FBXO28: variants seen among roughly 807,000 people sequenced by gnomAD.
FBXO28 encodes F-box protein 28.
A neutral mutation model predicts 38.1 loss-of-function variants in FBXO28; 8 were observed. The observed-to-expected ratio is 0.21, with a 90% CI of 0.12 to 0.38. The LOEUF (loss-of-function observed/expected upper bound fraction) is 0.38, where lower values mean the gene tolerates loss of function less well. Ranked by LOEUF, FBXO28 falls within the 10% of genes least tolerant of loss-of-function variation. The probability of loss-of-function intolerance (pLI) is 1.00; values close to 1 mark genes in which losing one functional copy is unlikely to be tolerated. For missense variants in FBXO28, 345 were observed against 460.6 expected (o/e 0.75, Z 2.30); for synonymous variants, 168 against 173.8 (o/e 0.97, Z 0.26).
chr1:224,136,185 C>A (rs964872136), intron 3 of FBXO28, among the ~76,000 whole-genome samples: 6 of 121,652 alleles, frequency 4.9e-5, no homozygotes, highest in Non-Finnish European at 8.0e-5. Flanking sequence ...CTAACAGCAA[C>A]CTCTGCCTCC....
intron 1 of FBXO28, among the ~76,000 whole-genome samples, chr1:224,122,090 A>G (rs1421730090): frequency 6.6e-6 from 1 of 152,062 alleles, no homozygotes; most frequent in Non-Finnish European, 1.5e-5. Flanking sequence ...AATTTTTTTT[A>G]AAGATTAAAG....
chr1:224,151,050 A>G (rs545504249), intron 3 of FBXO28, among the ~76,000 whole-genome samples: 6 of 152,344 alleles, frequency 3.9e-5, no homozygotes, highest in South Asian at 4.1e-4. Context: ...TTCTTTGTAT[A>G]TATAGTTCCT....
rs1277317930 is a variant in FBXO28 at position 224,131,834 on chromosome 1, G to C, written c.377+1253G>C. On this transcript the variant is annotated intron_variant, in intron 2 of 4. Transcript: ENST00000366862. ...ATTGGACTTAAAATGTAAAACTTTT[G>C]TGGCTCAAAAGACACCGTTAAGAAA... Among the ~76,000 whole-genome samples, 7 of 152,256 alleles carry C rather than the reference G, an allele frequency of 4.6e-5. No homozygotes were observed. In the East Asian group the frequency reaches 1.3e-3, roughly 29 times the overall value.
chr1:224,158,092 A>G lies in FBXO28; in HGVS notation c.*346A>G. On this transcript the variant is annotated 3_prime_UTR_variant, in exon 5 of 5. Coordinates refer to ENST00000366862, the MANE Select transcript of FBXO28 (RefSeq NM_015176.4). Reference sequence around the variant, plus strand: ...ATCTTAAACCCAGTCTTGACAGACTAGAAGTTAAGTTTAATACAGAAAATG... The same window carrying G: ...ATCTTAAACCCAGTCTTGACAGACTGGAAGTTAAGTTTAATACAGAAAATG... The G allele has an allele frequency of 9.9e-7, 1 of 1,012,282 alleles. No individual in the cohort carries two copies. Among genetic ancestry groups the G allele is most frequent in the Non-Finnish European group, 1.2e-6 (1 of 848,166 alleles). The allele number at this position is 1,012,282 out of a possible 1,614,324, so 62.7% of individuals were successfully genotyped here. A position where few individuals can be genotyped will look rare whatever the true frequency, so the allele number is the denominator to read the frequency against.
intron 4 of FBXO28, among the ~76,000 whole-genome samples, chr1:224,155,024 C>A (rs897981726): frequency 3.3e-5 from 5 of 151,442 alleles, no homozygotes; most frequent in African/African-American, 1.2e-4. Flanking sequence ...ATTTGAGGAC[C>A]ATCTGTATTT....
At chr1:224,122,918 G>T (rs1656811563) in intron 1 of FBXO28, among the ~76,000 whole-genome samples, 2 of 152,076 alleles carry the variant, frequency 1.3e-5, no homozygotes, top group African/African-American at 4.8e-5. Context: ...TAATCAATTT[G>T]AAATAAATAG....
chr1:224,119,135 C>CTTTTTTTT (rs67458349), intron 1 of FBXO28, among the ~76,000 whole-genome samples: 20 of 109,904 alleles, frequency 1.8e-4, no homozygotes, highest in East Asian at 5.3e-4. Context: ...TCTTTTTTTT[C>CTTTTTTTT]TTTTTTTTTT....
At chr1:224,118,540 A>G (rs981139540) in intron 1 of FBXO28, among the ~76,000 whole-genome samples, 1 of 152,238 alleles carries the variant, frequency 6.6e-6, no homozygotes, top group Non-Finnish European at 1.5e-5. Flanking sequence ...AACAAAATAC[A>G]TAAATACGTG....
At chr1:224,150,308 G>C (rs959443763) in intron 3 of FBXO28, among the ~76,000 whole-genome samples, 1 of 152,082 alleles carries the variant, frequency 6.6e-6, no homozygotes, top group African/African-American at 2.4e-5. Context: ...CAACAAGAGC[G>C]AAGCTCCGTC....
intron 4 of FBXO28, among the ~76,000 whole-genome samples, chr1:224,153,836 G>A (rs539389435): frequency 6.6e-6 from 1 of 151,828 alleles, no homozygotes; most frequent in Non-Finnish European, 1.5e-5. Context: ...CAGGAGAACC[G>A]CTTGAACCTG....
intron 2 of FBXO28, among the ~76,000 whole-genome samples, chr1:224,131,429 A>G (rs978705423): frequency 7.9e-5 from 12 of 152,226 alleles, no homozygotes; most frequent in Non-Finnish European, 1.5e-5. Flanking sequence ...AACTTAGTAC[A>G]GAGCTATAGT....
chr1:224,127,357 G>A (rs529288942), intron 1 of FBXO28, among the ~76,000 whole-genome samples: 1 of 152,180 alleles, frequency 6.6e-6, no homozygotes, highest in East Asian at 1.9e-4. Context: ...TCTGAGGTAA[G>A]AATACCTCAG....
intron 3 of FBXO28, among the ~76,000 whole-genome samples, chr1:224,146,194 A>G (rs1432368072): frequency 6.6e-6 from 1 of 151,966 alleles, no homozygotes; most frequent in Admixed American, 6.6e-5. Context: ...GGATCACACC[A>G]TCACACTCCA....
Position 224,117,988 on chromosome 1 carries a change from AATTAATTAATTAATTTATTTATTTATTT to A in FBXO28, c.267+3596_267+3623del, listed in dbSNP as rs1243084564. Among the ~76,000 whole-genome samples, 3 of 147,918 alleles carry A rather than the reference AATTAATTAATTAATTTATTTATTTATTT, an allele frequency of 2.0e-5. No individual in the cohort carries two copies. In the East Asian group the frequency reaches 5.9e-4, roughly 29 times the overall value. On this transcript the variant is annotated intron_variant, in intron 1 of 4. Coordinates refer to ENST00000366862, the MANE Select transcript of FBXO28 (RefSeq NM_015176.4). ...GAAAAACAAGTATAGGGAGCTTTTTAATTAATTAATTAATTTATTTATTTATTTATTTATTTATTTATTTTTAATTTTT... is the reference window on the plus strand; with the variant it reads ...GAAAAACAAGTATAGGGAGCTTTTTAATTTATTTATTTATTTTTAATTTTT...
At chr1:224,128,824 T>A (rs969843493) in intron 1 of FBXO28, among the ~76,000 whole-genome samples, 7 of 151,674 alleles carry the variant, frequency 4.6e-5, no homozygotes, top group Non-Finnish European at 1.0e-4. Flanking sequence ...CTCTACAAAA[T>A]TTTTTTTAAA....
rs556262382 is a variant in FBXO28 at position 224,136,361 on chromosome 1, C to T, written c.516+2149C>T. 4.6e-5 allele frequency among the ~76,000 whole-genome samples: 7 copies of T among 151,982 alleles called. No individual in the cohort carries two copies. The South Asian group carries it at 1.5e-3, about 32-fold the overall frequency. ...AATAATTTTCAGTCTAACATATAATCTTCATTTAATATATGGTGTTTATGA... is the reference window on the plus strand; with the variant it reads ...AATAATTTTCAGTCTAACATATAATTTTCATTTAATATATGGTGTTTATGA... On this transcript the variant is annotated intron_variant, in intron 3 of 4. Coordinates refer to ENST00000366862, the MANE Select transcript of FBXO28 (RefSeq NM_015176.4).
intron 3 of FBXO28, among the ~76,000 whole-genome samples, chr1:224,138,998 T>C (rs891120011): frequency 6.6e-6 from 1 of 151,716 alleles, no homozygotes; most frequent in African/African-American, 2.4e-5. Context: ...TTAGCCAGGA[T>C]GGCCTCAATC....
Position 224,158,389 on chromosome 1 carries a change from C to A in FBXO28, c.*643C>A. On this transcript the variant is annotated 3_prime_UTR_variant, in exon 5 of 5. Transcript: ENST00000366862. Reference sequence around the variant, plus strand: ...ACATGTTTTCAGTTCTCTTTGGGGGCCATGTCCTACATTTGCATGGATGGA... The same window carrying A: ...ACATGTTTTCAGTTCTCTTTGGGGGACATGTCCTACATTTGCATGGATGGA... 4.5e-6 allele frequency: 1 copy of A among 220,878 alleles called. No homozygotes were observed. Among genetic ancestry groups the A allele is most frequent in the Non-Finnish European group, 7.7e-6 (1 of 130,546 alleles). The allele number at this position is 220,878 out of a possible 1,614,324, so 13.7% of individuals were successfully genotyped here.
intron 3 of FBXO28, among the ~76,000 whole-genome samples, chr1:224,137,074 A>G (rs73124460): frequency 0.039 from 5,959 of 151,600 alleles, 483 homozygotes; most frequent in African/African-American, 0.13. Flanking sequence ...ATACTTTGTT[A>G]AGAAAACTAA....
Sources: allele counts gnomAD v4.1 joint callset (sites outside exome capture counted in the v4.1 genomes callset), GRCh38; gene constraint gnomAD v4.1.1; transcripts MANE v1.5; gene names NCBI Gene and HGNC (gene_info 2026-07-23, HGNC 2026-07-21).